Variants in PTCHD4 observed in about 807,000 individuals in gnomAD.
PTCHD4 encodes patched domain containing 4.
PTCHD4 carries 33 observed loss-of-function variants against 58.1 expected under a neutral mutation model. The observed-to-expected ratio is 0.57, with a 90% CI of 0.43 to 0.76. The LOEUF (loss-of-function observed/expected upper bound fraction) is 0.76, where lower values mean the gene tolerates loss of function less well. Ranked by LOEUF, PTCHD4 falls within the 30% of genes least tolerant of loss-of-function variation. PTCHD4 has a pLI of 0.00. For synonymous variants in PTCHD4, 478 were observed against 409.6 expected, an observed-to-expected ratio of 1.17 and a Z score of -2.02; for missense variants, 1,058 against 1,027.1, an observed-to-expected ratio of 1.03 and a Z score of -0.41.
chr6:47,930,225 T>A (rs1391933835), intron 4 of PTCHD4, among the ~76,000 whole-genome samples: 2 of 152,158 alleles, frequency 1.3e-5, no homozygotes, highest in Non-Finnish European at 2.9e-5. Flanking sequence ...AAGGTGGGTA[T>A]TTTACAGACA....
At chr6:48,059,838 G>A (rs554832179) in intron 3 of PTCHD4, among the ~76,000 whole-genome samples, 3 of 152,042 alleles carry the variant, frequency 2.0e-5, no homozygotes, top group East Asian at 1.9e-4. Flanking sequence ...AGGGCACCAC[G>A]TCCTTTCCAT....
chr6:47,984,986 T>C (rs1339358915), intron 4 of PTCHD4, among the ~76,000 whole-genome samples: 2 of 152,174 alleles, frequency 1.3e-5, no homozygotes, highest in African/African-American at 4.8e-5. Flanking sequence ...AGCTCAGTTC[T>C]CTGCAGTGAA....
intron 1 of PTCHD4, among the ~76,000 whole-genome samples, chr6:48,079,970 ATTTTTTTTTTTTTTTTT>A (rs141629864): frequency 0.29 from 22,506 of 77,212 alleles, 2,127 homozygotes; most frequent in Admixed American, 0.41. Context: ...CCTTATGATG[ATTTTTTTTTTTTTTTTT>A]TTTTTTTTTT....
chr6:48,017,583 T>C (rs1343459886), intron 3 of PTCHD4, among the ~76,000 whole-genome samples: 1 of 152,226 alleles, frequency 6.6e-6, no homozygotes, highest in African/African-American at 2.4e-5. Flanking sequence ...ACACATGTGG[T>C]AGAATCAGTT....
intron 3 of PTCHD4, among the ~76,000 whole-genome samples, chr6:48,027,670 A>G (rs1031202297): frequency 1.3e-5 from 2 of 152,134 alleles, no homozygotes; most frequent in African/African-American, 4.8e-5. Flanking sequence ...TTGTTTTCAT[A>G]TTGCATAGAT....
At chr6:47,882,450 G>A (rs1764044618) in intron 4 of PTCHD4, among the ~76,000 whole-genome samples, 1 of 151,870 alleles carries the variant, frequency 6.6e-6, no homozygotes, top group Non-Finnish European at 1.5e-5. Context: ...CCACTCATAT[G>A]TTTAGATATT....
intron 3 of PTCHD4, among the ~76,000 whole-genome samples, chr6:48,049,648 A>T (rs1248567019): frequency 6.6e-6 from 1 of 151,776 alleles, no homozygotes; most frequent in East Asian, 1.9e-4. Flanking sequence ...TTTCCTCTAA[A>T]CTCCTATCCA....
chr6:47,861,646 C>A lies in PTCHD4; in HGVS notation c.*16657G>T, dbSNP rs748441638. Among the ~76,000 whole-genome samples, 5 of 151,910 alleles carry A rather than the reference C, an allele frequency of 3.3e-5. No individual in the cohort carries two copies. The highest frequency in any genetic ancestry group is 5.9e-5 in the Non-Finnish European group (4 of 67,892). Reference sequence around the variant, plus strand: ...AGACATGTTAACTAAGAATCTTGAACAATTTTTAGATTAATAGCAGGTTAA... The same window carrying A: ...AGACATGTTAACTAAGAATCTTGAAAAATTTTTAGATTAATAGCAGGTTAA... On this transcript the variant is annotated 3_prime_UTR_variant, in exon 5 of 5. Transcript: ENST00000339488.
intron 4 of PTCHD4, among the ~76,000 whole-genome samples, chr6:47,922,219 A>C (rs1765455852): frequency 6.6e-6 from 1 of 152,186 alleles, no homozygotes; most frequent in Admixed American, 6.5e-5. Context: ...ATTATATTCA[A>C]ATTTTCATTT....
intron 4 of PTCHD4, among the ~76,000 whole-genome samples, chr6:47,940,780 C>T (rs1179514017): frequency 6.6e-6 from 1 of 152,152 alleles, no homozygotes; most frequent in Non-Finnish European, 1.5e-5. Context: ...CTTCTAATTA[C>T]TCACTCCTTC....
At chr6:48,098,391 T>G (rs1582136727) in intron 1 of PTCHD4, among the ~76,000 whole-genome samples, 2 of 147,254 alleles carry the variant, frequency 1.4e-5, no homozygotes, top group East Asian at 4.0e-4. Context: ...TAGGCTGGAG[T>G]GCAGTGGCAG....
Position 47,857,664 on chromosome 6 carries a change from A to G in PTCHD4, c.*20639T>C, listed in dbSNP as rs1435259058. ...GTTAAAAGTGCTCCTGTGTCTCTGC[A>G]ATAGTATCCAAAACTAAGAGCTGTA... On this transcript the variant is annotated 3_prime_UTR_variant, in exon 5 of 5. Coordinates refer to ENST00000339488, the MANE Select transcript of PTCHD4 (RefSeq NM_001384253.1). Among the ~76,000 whole-genome samples, 1 of 152,050 alleles carries G rather than the reference A, an allele frequency of 6.6e-6. No homozygotes were observed. The highest frequency in any genetic ancestry group is 2.4e-5 in the African/African-American group (1 of 41,438).
Position 47,865,669 on chromosome 6 carries a change from A to G in PTCHD4, c.*12634T>C, listed in dbSNP as rs1763545176. 6.6e-6 allele frequency among the ~76,000 whole-genome samples: 1 copy of G among 151,754 alleles called. No homozygotes were observed. The highest frequency in any genetic ancestry group is 1.5e-5 in the Non-Finnish European group (1 of 67,856). On this transcript the variant is annotated 3_prime_UTR_variant, in exon 5 of 5. Transcript: ENST00000339488. ...CACAACTCTATTTCAGGCCAATATT[A>G]CCTTCATTGCTGATGACCACAACAG...
chr6:47,972,620 A>G (rs1240205786), intron 4 of PTCHD4, among the ~76,000 whole-genome samples: 1 of 151,884 alleles, frequency 6.6e-6, no homozygotes, highest in Non-Finnish European at 1.5e-5. Context: ...ATTTTAAGTA[A>G]ATATCATATA....
chr6:47,938,569 C>T (rs567099670), intron 4 of PTCHD4, among the ~76,000 whole-genome samples: 1 of 152,166 alleles, frequency 6.6e-6, no homozygotes, highest in East Asian at 1.9e-4. Flanking sequence ...AGAACTGCAA[C>T]ATAGTACTAG....
chr6:48,050,511 C>A (rs1764193192), intron 3 of PTCHD4, among the ~76,000 whole-genome samples: 1 of 152,010 alleles, frequency 6.6e-6, no homozygotes, highest in Non-Finnish European at 1.5e-5. Flanking sequence ...TCCATCCAAT[C>A]TGAGTGGACT....
intron 3 of PTCHD4, among the ~76,000 whole-genome samples, chr6:48,013,772 T>C (rs1762776361): frequency 2.0e-5 from 3 of 152,190 alleles, no homozygotes; most frequent in South Asian, 4.1e-4. Context: ...ATTATCTATT[T>C]ACTTAAAATG....
At chr6:48,073,453 C>T (rs1045863104) in intron 1 of PTCHD4, among the ~76,000 whole-genome samples, 1 of 152,208 alleles carries the variant, frequency 6.6e-6, no homozygotes, top group Non-Finnish European at 1.5e-5. Flanking sequence ...TCAATTCACT[C>T]ATAGCAGTAT....
chr6:47,926,169 T>A (rs1055836492), intron 4 of PTCHD4, among the ~76,000 whole-genome samples: 1 of 152,188 alleles, frequency 6.6e-6, no homozygotes, highest in African/African-American at 2.4e-5. Context: ...AAGTCTCTCC[T>A]GGAGATGAGG....
Sources: allele counts gnomAD v4.1 joint callset (sites outside exome capture counted in the v4.1 genomes callset), GRCh38; gene constraint gnomAD v4.1.1; transcripts MANE v1.5; gene names NCBI Gene and HGNC (gene_info 2026-07-23, HGNC 2026-07-21).